LRRC4C: variants seen among roughly 807,000 people sequenced by gnomAD.
LRRC4C encodes the protein leucine rich repeat containing 4C.
In LRRC4C, 5 loss-of-function variants were observed where a neutral mutation model predicts 33.6. The ratio of observed to expected loss-of-function variants is 0.15; its 90% CI spans 0.08 to 0.31. The LOEUF is 0.31. LRRC4C is among the 10% of genes least tolerant of loss of function. The probability of loss-of-function intolerance (pLI) is 1.00; values close to 1 mark genes in which losing one functional copy is unlikely to be tolerated. For synonymous variants in LRRC4C, 329 were observed against 302.0 expected, an observed-to-expected ratio of 1.09 and a Z score of -0.93; for missense variants, 560 against 796.7, an observed-to-expected ratio of 0.70 and a Z score of 3.58.
chr11:40,576,386 C>T (rs1363982796), intron 3 of LRRC4C, among the ~76,000 whole-genome samples: 1 of 152,178 alleles, frequency 6.6e-6, no homozygotes, highest in Non-Finnish European at 1.5e-5. Flanking sequence ...AGACCAGTTC[C>T]TTTTTATAAT....
intron 6 of LRRC4C, among the ~76,000 whole-genome samples, chr11:40,137,460 C>T (rs1484651404): frequency 3.3e-5 from 5 of 152,156 alleles, no homozygotes; most frequent in Non-Finnish European, 7.3e-5. Flanking sequence ...TACATTTCCA[C>T]ATGTCCCTTC....
At chr11:40,931,099 T>C (rs1482219284) in intron 2 of LRRC4C, among the ~76,000 whole-genome samples, 1 of 152,118 alleles carries the variant, frequency 6.6e-6, no homozygotes, top group Non-Finnish European at 1.5e-5. Flanking sequence ...ATCTCAGACC[T>C]GGGGCAAATA....
chr11:40,791,017 A>C (rs879838438), intron 2 of LRRC4C, among the ~76,000 whole-genome samples: 4 of 152,180 alleles, frequency 2.6e-5, no homozygotes, highest in African/African-American at 4.8e-5. Flanking sequence ...AATTCCACAC[A>C]ATATGAGCTG....
chr11:41,064,582 G>A (rs183302591), intron 1 of LRRC4C, among the ~76,000 whole-genome samples: 12 of 152,294 alleles, frequency 7.9e-5, no homozygotes, highest in African/African-American at 2.6e-4. Context: ...ATATGGTTTG[G>A]CTCTGTGTCC....
At chr11:40,517,914 T>C (rs1955639073) in intron 3 of LRRC4C, among the ~76,000 whole-genome samples, 2 of 151,962 alleles carry the variant, frequency 1.3e-5, no homozygotes, top group Non-Finnish European at 2.9e-5. Context: ...AAAACAGATA[T>C]ATAGACCAAT....
intron 2 of LRRC4C, among the ~76,000 whole-genome samples, chr11:40,677,349 G>T (rs1174541790): frequency 6.6e-6 from 1 of 152,106 alleles, no homozygotes; most frequent in Admixed American, 6.5e-5. Context: ...TCGCACCACA[G>T]CACTCCAGCC....
intron 2 of LRRC4C, among the ~76,000 whole-genome samples, chr11:40,835,884 G>C (rs748410181): frequency 2.0e-5 from 3 of 152,228 alleles, no homozygotes; most frequent in Non-Finnish European, 2.9e-5. Context: ...TTGCTGGTGT[G>C]TGTTTTCATT....
chr11:40,514,356 C>G (rs560820272), intron 3 of LRRC4C, among the ~76,000 whole-genome samples: 24 of 152,306 alleles, frequency 1.6e-4, no homozygotes, highest in African/African-American at 5.8e-4. Context: ...CCAAATCATT[C>G]TTGGCTCAAT....
At chr11:40,913,513 C>T (rs574178286) in intron 2 of LRRC4C, among the ~76,000 whole-genome samples, 67 of 152,000 alleles carry the variant, frequency 4.4e-4, no homozygotes, top group Admixed American at 2.2e-3. Context: ...AACAAAGACA[C>T]AACATACCAG....
At chr11:40,175,855 CT>C (rs576571278) in intron 5 of LRRC4C, among the ~76,000 whole-genome samples, 1 of 151,876 alleles carries the variant, frequency 6.6e-6, no homozygotes, top group African/African-American at 2.4e-5. Context: ...TCATTTAATT[CT>C]TTTTTTTAAC....
intron 3 of LRRC4C, among the ~76,000 whole-genome samples, chr11:40,323,534 T>C (rs1446736312): frequency 6.6e-6 from 1 of 152,202 alleles, no homozygotes; most frequent in Non-Finnish European, 1.5e-5. Context: ...AGGGGCCATA[T>C]TGACATCACC....
At chr11:40,680,134 A>C (rs1481254220) in intron 2 of LRRC4C, among the ~76,000 whole-genome samples, 1 of 152,198 alleles carries the variant, frequency 6.6e-6, no homozygotes, top group African/African-American at 2.4e-5. Context: ...GTCCTGCTGG[A>C]TAATCGAACT....
At chr11:40,656,638 T>C (rs771415795) in intron 2 of LRRC4C, among the ~76,000 whole-genome samples, 6 of 152,178 alleles carry the variant, frequency 3.9e-5, no homozygotes, top group Non-Finnish European at 8.8e-5. Flanking sequence ...TCTGTTCCTT[T>C]CCAAGGCATC....
chr11:41,250,641 T>G lies in LRRC4C; in HGVS notation c.-496+208790A>C, dbSNP rs573014749. ...TAGCTTGCTTGAAACCATCTTTAGC[T>G]TCTGTGAATCCATAAGGCACATGCT... On this transcript the variant is annotated intron_variant, in intron 1 of 6. Coordinates refer to ENST00000528697, the MANE Select transcript of LRRC4C (RefSeq NM_001258419.2). 3.9e-5 allele frequency among the ~76,000 whole-genome samples: 6 copies of G among 152,322 alleles called. No individual in the cohort carries two copies. In the South Asian group the frequency reaches 1.2e-3, roughly 32 times the overall value.
intron 1 of LRRC4C, among the ~76,000 whole-genome samples, chr11:41,388,982 G>A (rs1271848972): frequency 6.6e-6 from 1 of 151,688 alleles, no homozygotes; most frequent in African/African-American, 2.4e-5. Flanking sequence ...AGGTAATTTG[G>A]ACTCTAATGA....
intron 5 of LRRC4C, among the ~76,000 whole-genome samples, chr11:40,163,869 T>A (rs1027146305): frequency 1.3e-5 from 2 of 152,102 alleles, no homozygotes; most frequent in Non-Finnish European, 2.9e-5. Context: ...TTGCAAAAAA[T>A]TGCAAAAGTG....
chr11:40,371,080 G>A (rs1432377715), intron 3 of LRRC4C, among the ~76,000 whole-genome samples: 1 of 152,004 alleles, frequency 6.6e-6, no homozygotes, highest in East Asian at 1.9e-4. Context: ...CTGCTTGCTA[G>A]ATCACAAAGA....
At chr11:40,423,446 G>A (rs965680747) in intron 3 of LRRC4C, among the ~76,000 whole-genome samples, 1 of 144,162 alleles carries the variant, frequency 6.9e-6, no homozygotes, top group African/African-American at 2.5e-5. Flanking sequence ...CCGGGTTCAC[G>A]CCATTCTCCT....
chr11:40,952,853 C>A (rs1352907552), intron 1 of LRRC4C, among the ~76,000 whole-genome samples: 2 of 89,984 alleles, frequency 2.2e-5, no homozygotes, highest in Admixed American at 1.3e-4. Flanking sequence ...TTTCCAAACA[C>A]ACACACACAC....
Sources: gnomAD v4.1 joint callset for allele counts (sites outside exome capture counted in the v4.1 genomes callset) on GRCh38, gnomAD v4.1.1 for gene constraint, MANE v1.5 for transcripts, NCBI Gene and HGNC (gene_info 2026-07-23, HGNC 2026-07-21) for gene names.